GANC: variants seen among roughly 807,000 people sequenced by gnomAD.
GANC encodes the protein neutral alpha-glucosidase C.
GANC carries 117 observed loss-of-function variants against 124.2 expected under a neutral mutation model. That is an observed-to-expected ratio of 0.94 (90% CI 0.81 to 1.10). GANC has a LOEUF of 1.10. Among genes scored for constraint, GANC ranks in the 50% least tolerant of loss-of-function variants. The probability of loss-of-function intolerance (pLI) is 0.00; values close to 1 mark genes in which losing one functional copy is unlikely to be tolerated. For synonymous variants in GANC, 377 were observed against 376.8 expected, an observed-to-expected ratio of 1.00 and a Z score of -0.01; for missense variants, 1,140 against 1,095.0, an observed-to-expected ratio of 1.04 and a Z score of -0.58.
intron 18 of GANC, among the ~76,000 whole-genome samples, chr15:42,342,478 A>T (rs2052334787): frequency 6.6e-6 from 1 of 152,082 alleles, no homozygotes; most frequent in African/African-American, 2.4e-5. Context: ...AGCTACTCAG[A>T]GGCTGAGGCT....
intron 7 of GANC, among the ~76,000 whole-genome samples, chr15:42,307,505 T>C (rs147608087): frequency 4.3e-4 from 65 of 152,192 alleles, no homozygotes; most frequent in African/African-American, 1.5e-3. Flanking sequence ...GGCCATGTCA[T>C]AATCTTTTTC....
At chr15:42,296,527 T>G (rs7178319) in intron 5 of GANC, among the ~76,000 whole-genome samples, 138,407 of 152,142 alleles carry the variant, frequency 0.91, 64,316 homozygotes, top group Non-Finnish European at 1. Context: ...CAAGTAGCTG[T>G]GATTACAGGT....
chr15:42,295,684 A>G (rs2051884578), intron 5 of GANC, among the ~76,000 whole-genome samples: 1 of 130,560 alleles, frequency 7.7e-6, no homozygotes. Flanking sequence ...ACACACACAC[A>G]CACAGCGTGA....
chr15:42,320,815 G>A (rs564587355), intron 10 of GANC, among the ~76,000 whole-genome samples: 18 of 152,196 alleles, frequency 1.2e-4, no homozygotes, highest in African/African-American at 4.1e-4. Context: ...TTGAGAGTGG[G>A]CATGTCTACT....
rs561468763 is a variant in GANC at position 42,295,839 on chromosome 15, G to A, written c.513-1772G>A. 7.0e-4 allele frequency among the ~76,000 whole-genome samples: 106 copies of A among 152,070 alleles called. 2 individuals are homozygous for A. Among genetic ancestry groups the A allele is most frequent in the Non-Finnish European group, 1.9e-4 (13 of 68,026 alleles). ...TTGATGCTCTGTTAGACTCATACAC[G>A]CATTAAAGATTGTTACGTTGAGCTG... is the stretch of plus-strand genomic sequence containing the variant. On this transcript the variant is annotated intron_variant, in intron 5 of 23. Transcript: ENST00000318010.
At chr15:42,276,269 A>T (rs2051670290) in intron 1 of GANC, 79 bp from the exon 2 acceptor site, 1 of 710,572 alleles carries the variant, frequency 1.4e-6, no homozygotes, top group Non-Finnish European at 2.6e-6. Flanking sequence ...GCATGTTCAT[A>T]CTGTCGTTAG....
chr15:42,324,194 A>G (rs913217225), intron 11 of GANC, among the ~76,000 whole-genome samples: 15 of 152,178 alleles, frequency 9.9e-5, no homozygotes, highest in Admixed American at 3.3e-4. Context: ...CAACACCACT[A>G]ATCATTAGGG....
chr15:42,307,307 C>G (rs569952166), intron 7 of GANC, among the ~76,000 whole-genome samples: 2 of 151,338 alleles, frequency 1.3e-5, no homozygotes, highest in Admixed American at 6.6e-5. Flanking sequence ...TTCTCAGGCC[C>G]TCCTTTCTGT....
At chr15:42,280,905 A>G in intron 3 of GANC, 1 of 699,906 alleles carries the variant, frequency 1.4e-6, no homozygotes, top group Non-Finnish European at 2.6e-6. Context: ...AGTGAGGAAC[A>G]ATGCTCTTCA....
chr15:42,321,810 C>T lies in GANC; in HGVS notation c.1083C>T (p.Phe361=), dbSNP rs780025437. Residue 361 remains phenylalanine, a synonymous_variant, in exon 11 of 24, where the codon TTC becomes TTT. Coordinates refer to ENST00000318010, the MANE Select transcript of GANC (RefSeq NM_198141.3). ...GCACACAAGCCATGCCCCCTCTTTT[C>T]TCTTTGGGATACCACCAGTGCCGCT... The part of the protein sequence containing the change: ...LTGTQAMPPL[F]SLGYHQCRWN... 6.2e-7 allele frequency: 1 copy of T among 1,614,224 alleles called. No homozygotes were observed. Among genetic ancestry groups the T allele is most frequent in the Non-Finnish European group, 8.5e-7 (1 of 1,180,014 alleles).
In GANC at chr15:42,298,028, A is replaced by G. The variant is rs555879175; in HGVS notation, c.558+372A>G. Among the ~76,000 whole-genome samples, 34 of 152,302 alleles carry G rather than the reference A, an allele frequency of 2.2e-4. No individual in the cohort carries two copies. The South Asian group carries it at 7.0e-3, about 32-fold the overall frequency. ...ATTACAAGCATGAGGAGTGTTACAA[A>G]ATGGTGCTGTAGGAGAATACAAGGG... On this transcript the variant is annotated intron_variant, in intron 6 of 23. Transcript: ENST00000318010.
At chr15:42,316,007 T>A (rs1438317249) in intron 10 of GANC, among the ~76,000 whole-genome samples, 3 of 151,910 alleles carry the variant, frequency 2.0e-5, no homozygotes, top group African/African-American at 7.2e-5. Flanking sequence ...TATTTATAAG[T>A]ATATAAATAT....
chr15:42,284,506 G>T (rs988124979), intron 3 of GANC: 1 of 154,608 alleles, frequency 6.5e-6, no homozygotes, highest in African/African-American at 2.4e-5. Context: ...AGACTGAGAG[G>T]CGGGCTTCTA....
intron 9 of GANC, 44 bp from the exon 10 acceptor site, chr15:42,310,649 G>A (rs1056088865): frequency 1.6e-5 from 25 of 1,591,830 alleles, no homozygotes; most frequent in Non-Finnish European, 2.1e-5. Context: ...GATGTTGCAG[G>A]TTAGAGGGAA....
chr15:42,305,844 C>T (rs1294731559), intron 6 of GANC, among the ~76,000 whole-genome samples: 2 of 150,588 alleles, frequency 1.3e-5, no homozygotes, highest in African/African-American at 4.9e-5. Flanking sequence ...AACACAGGAA[C>T]AGAAAACCAA....
At chr15:42,294,181 G>C (rs1595766631) in intron 5 of GANC, among the ~76,000 whole-genome samples, 2 of 151,552 alleles carry the variant, frequency 1.3e-5, no homozygotes, top group East Asian at 3.9e-4. Context: ...AGAGGCACAT[G>C]GTACAAAGGA....
intron 10 of GANC, among the ~76,000 whole-genome samples, chr15:42,312,534 A>G (rs4244589): frequency 0.91 from 138,525 of 152,282 alleles, 64,363 homozygotes; most frequent in Non-Finnish European, 1. Context: ...AAGTTCTACA[A>G]TTAAACTTCT....
At chr15:42,310,640 A>G in intron 9 of GANC, 53 bp from the exon 10 acceptor site, 2 of 1,582,908 alleles carry the variant, frequency 1.3e-6, no homozygotes, top group Non-Finnish European at 1.7e-6. Context: ...ATGTGGCTGG[A>G]TGTTGCAGGT....
chr15:42,348,572 C>G (rs981576463), intron 21 of GANC, among the ~76,000 whole-genome samples: 1 of 152,174 alleles, frequency 6.6e-6, no homozygotes, highest in Non-Finnish European at 1.5e-5. Flanking sequence ...GTCTATGCAC[C>G]ATTTCAGAGA....
Sources: gnomAD v4.1 joint callset for allele counts (sites outside exome capture counted in the v4.1 genomes callset) on GRCh38, gnomAD v4.1.1 for gene constraint, MANE v1.5 for transcripts, NCBI Gene and HGNC (gene_info 2026-07-23, HGNC 2026-07-21) for gene names.